The following KIF21A variants were observed in gnomAD, a reference collection of about 807,000 sequenced individuals.
KIF21A encodes the protein kinesin-like protein KIF21A.
KIF21A carries 114 observed loss-of-function variants against 202.9 expected under a neutral mutation model. That is an observed-to-expected ratio of 0.56 (90% CI 0.48 to 0.66). The LOEUF is 0.66. Ranked by LOEUF, KIF21A falls within the 30% of genes least tolerant of loss-of-function variation. The pLI is 0.00. For synonymous variants in KIF21A, 667 were observed against 670.8 expected (o/e 0.99, Z 0.09); for missense variants, 1,677 against 1,994.9 (o/e 0.84, Z 3.04).
In KIF21A at chr12:39,340,360, C is replaced by G. The variant is rs749760481; in HGVS notation, c.2115G>C (p.Ser705=). The G allele has an allele frequency of 6.2e-7, 1 of 1,603,508 alleles. No homozygotes were observed. Reference sequence around the variant, plus strand: ...CTTTTTCTTCTGAGTAAGATTCTACCGAGCCTAAATGACCAGAGGACATTT... The same window carrying G: ...CTTTTTCTTCTGAGTAAGATTCTACGGAGCCTAAATGACCAGAGGACATTT... The part of the protein sequence containing the change: ...ERDQVLQNLG[S]VESYSEEKAK... The change falls in exon 16 of 38, where the codon TCG becomes TCC. Residue 705 remains serine, a synonymous_variant. Coordinates refer to ENST00000361418, the MANE Select transcript of KIF21A (RefSeq NM_001173464.2).
At chr12:39,379,485 T>G (rs969695755) in intron 1 of KIF21A, among the ~76,000 whole-genome samples, 5 of 152,174 alleles carry the variant, frequency 3.3e-5, no homozygotes, top group African/African-American at 1.2e-4. Flanking sequence ...ACAAAAGGCA[T>G]ACTAGAGATC....
At chr12:39,302,149 T>G (rs1274617413) in intron 36 of KIF21A, among the ~76,000 whole-genome samples, 1 of 152,200 alleles carries the variant, frequency 6.6e-6, no homozygotes, top group African/African-American at 2.4e-5. Flanking sequence ...ATATATTTCA[T>G]GATGAGTAAA....
chr12:39,334,743 A>C (rs1946816189), intron 17 of KIF21A, among the ~76,000 whole-genome samples: 1 of 152,216 alleles, frequency 6.6e-6, no homozygotes, highest in African/African-American at 2.4e-5. Flanking sequence ...TATGTACACA[A>C]GGCAACAAAT....
intron 1 of KIF21A, among the ~76,000 whole-genome samples, chr12:39,433,492 A>T (rs1327940959): frequency 6.6e-6 from 1 of 152,224 alleles, no homozygotes; most frequent in Non-Finnish European, 1.5e-5. Flanking sequence ...GCCAAGGTTG[A>T]TGAAAGGAAG....
At chr12:39,412,129 G>A (rs574058826) in intron 1 of KIF21A, among the ~76,000 whole-genome samples, 2 of 152,166 alleles carry the variant, frequency 1.3e-5, no homozygotes, top group East Asian at 3.9e-4. Context: ...GGGAGCGTGA[G>A]CCCCAGTGCC....
chr12:39,399,305 A>T (rs1273191425), intron 1 of KIF21A, among the ~76,000 whole-genome samples: 2 of 152,220 alleles, frequency 1.3e-5, no homozygotes, highest in Non-Finnish European at 2.9e-5. Flanking sequence ...ATATGCAAAT[A>T]TTATGCCATT....
At chr12:39,334,539 A>G (rs1054954321) in intron 17 of KIF21A, among the ~76,000 whole-genome samples, 1 of 150,710 alleles carries the variant, frequency 6.6e-6, no homozygotes, top group Non-Finnish European at 1.5e-5. Flanking sequence ...AGCAAAATTA[A>G]TATGTTTTTT....
At position 39,346,505 on chromosome 12, in the gene KIF21A, C is replaced by A; in HGVS notation, c.1674-1G>T. ...ATTGCTTTCCTCAAGTTTCTGTAGC[C>A]TTCAAAATCACGAGGCACAGTATTG... On this transcript the variant is annotated splice_acceptor_variant, in intron 11 of 37. Transcript: ENST00000361418. LOFTEE classifies it high-confidence loss of function. 1 of 1,480,960 alleles carries A rather than the reference C, an allele frequency of 6.8e-7. No homozygotes were observed. The highest frequency in any genetic ancestry group is 8.9e-7 in the Non-Finnish European group (1 of 1,118,620). 91.7% of individuals were successfully genotyped at this position (1,480,960 alleles called of 1,614,324 possible).
chr12:39,361,120 A>T (rs1009814132), intron 7 of KIF21A, among the ~76,000 whole-genome samples: 1 of 152,234 alleles, frequency 6.6e-6, no homozygotes, highest in Non-Finnish European at 1.5e-5. Context: ...GAAATTCAAG[A>T]TCCACAGTGA....
At chr12:39,387,161 TACAC>T (rs3036323) in intron 1 of KIF21A, among the ~76,000 whole-genome samples, 3,186 of 137,986 alleles carry the variant, frequency 0.023, 46 homozygotes, top group East Asian at 0.059. Flanking sequence ...ATGCAGTAGT[TACAC>T]ACACACACAC....
chr12:39,402,202 A>G (rs1041142815), intron 1 of KIF21A, among the ~76,000 whole-genome samples: 1 of 152,232 alleles, frequency 6.6e-6, no homozygotes, highest in African/African-American at 2.4e-5. Context: ...TTTATATTAC[A>G]TAAAAGGATA....
chr12:39,311,138 A>G (rs978043140), intron 32 of KIF21A, among the ~76,000 whole-genome samples: 2 of 152,006 alleles, frequency 1.3e-5, no homozygotes, highest in Non-Finnish European at 2.9e-5. Context: ...AGATTTTTAT[A>G]TAACCTGCAT....
In KIF21A at chr12:39,332,940, A is replaced by G; in HGVS notation, c.2655T>C (p.Pro885=). The change falls in exon 19 of 38, where the codon CCT becomes CCC. Residue 885 remains proline (P), a synonymous_variant. Transcript: ENST00000361418. ...TTGGTAAGGCCTGGACTCTCGCCAC[A>G]GGAATTCTCATTTTCTGCTGGGCTC... ...RTGAQQKMRI[P]VARVQALPTP... The G allele has an allele frequency of 6.2e-7, 1 of 1,614,112 alleles. No homozygotes were observed. Among genetic ancestry groups the G allele is most frequent in the Non-Finnish European group, 8.5e-7 (1 of 1,180,024 alleles).
At chr12:39,439,525 T>A (rs1431088418) in intron 1 of KIF21A, among the ~76,000 whole-genome samples, 1 of 152,186 alleles carries the variant, frequency 6.6e-6, no homozygotes, top group African/African-American at 2.4e-5. Flanking sequence ...ATTTCAAAAC[T>A]TTACAGCTGA....
At position 39,311,439 on chromosome 12, in the gene KIF21A, A is replaced by G. The variant is rs1382491269; in HGVS notation, c.4074T>C (p.Asp1358=). The G allele has an allele frequency of 3.1e-6, 5 of 1,612,916 alleles. No homozygotes were observed. The African/African-American group carries it at 6.7e-5, about 22-fold the overall frequency. The part of the protein sequence containing the change: ...KAVLCVDSTD[D]LLFTGSKDRT... ...CACCTTTTGATCCAGTGAAGAGGAG[A>G]TCATCAGTAGAATCCACACAGAGCA... Residue 1358 remains aspartate, a synonymous_variant, in exon 32 of 38, where the codon GAT becomes GAC. Transcript: ENST00000361418.
intron 1 of KIF21A, among the ~76,000 whole-genome samples, chr12:39,416,720 T>TAC (rs1953710784): frequency 2.0e-5 from 2 of 99,366 alleles, no homozygotes; most frequent in African/African-American, 8.2e-5. Flanking sequence ...TGTGTGTATA[T>TAC]ATGTACATAT....
At chr12:39,329,797 T>C (rs1171937891) in intron 24 of KIF21A, among the ~76,000 whole-genome samples, 1 of 152,030 alleles carries the variant, frequency 6.6e-6, no homozygotes, top group African/African-American at 2.4e-5. Flanking sequence ...AAGTGTGTGC[T>C]TAAATTTACA....
chr12:39,305,782 C>T (rs1943413362), intron 34 of KIF21A, among the ~76,000 whole-genome samples: 1 of 152,092 alleles, frequency 6.6e-6, no homozygotes, highest in Non-Finnish European at 1.5e-5. Context: ...TGATTAGGTC[C>T]AATTTGAATT....
chr12:39,392,679 GGT>G (rs1951455626), intron 1 of KIF21A, among the ~76,000 whole-genome samples: 1 of 151,406 alleles, frequency 6.6e-6, no homozygotes, highest in South Asian at 2.1e-4. Flanking sequence ...GGAGGTAGTT[GGT>G]GCTCTTGTTG....
Sources: allele counts gnomAD v4.1 joint callset (sites outside exome capture counted in the v4.1 genomes callset), GRCh38; gene constraint gnomAD v4.1.1; transcripts MANE v1.5; gene names NCBI Gene and HGNC (gene_info 2026-07-23, HGNC 2026-07-21).